The following PDZD8 variants were observed in gnomAD, a reference collection of about 807,000 sequenced individuals.
PDZD8 encodes the protein PDZ domain containing 8.
In PDZD8, 14 loss-of-function variants were observed where a neutral mutation model predicts 85.8. That is an observed-to-expected ratio of 0.16 (90% CI 0.11 to 0.26). The LOEUF is 0.26. Ranked by LOEUF, PDZD8 falls within the 10% of genes least tolerant of loss-of-function variation. PDZD8 has a pLI of 1.00. For missense variants in PDZD8, 1,197 were observed against 1,424.3 expected, an observed-to-expected ratio of 0.84 and a Z score of 2.57; for synonymous variants, 592 against 568.6, an observed-to-expected ratio of 1.04 and a Z score of -0.59.
At chr10:117,333,131 A>AAAC (rs1844456787) in intron 2 of PDZD8, among the ~76,000 whole-genome samples, 1 of 149,180 alleles carries the variant, frequency 6.7e-6, no homozygotes, top group African/African-American at 2.4e-5. Flanking sequence ...AAAAAAAAAA[A>AAAC]AAAAAAAAAA....
At chr10:117,315,096 A>G (rs139816416) in intron 3 of PDZD8, among the ~76,000 whole-genome samples, 2 of 152,326 alleles carry the variant, frequency 1.3e-5, no homozygotes, top group Non-Finnish European at 2.9e-5. Flanking sequence ...CAGAGGTTCC[A>G]GAGCCCATTT....
rs1844605902 is a variant in PDZD8, at chr10:117,341,194, A to T, written c.873-92T>A. On this transcript the variant is annotated intron_variant, in intron 1 of 4. Transcript: ENST00000334464. ...CTCACCTGTACAAAAACACAAAGCA[A>T]AATGAACACCTAATACTACACGTGC... The T allele has an allele frequency of 2.2e-6, 3 of 1,343,542 alleles. No individual in the cohort carries two copies. The East Asian group carries it at 7.3e-5, about 33-fold the overall frequency. 83.2% of individuals were successfully genotyped at this position (1,343,542 alleles called of 1,614,324 possible).
At chr10:117,289,617 ATG>A (rs752526387) in intron 4 of PDZD8, among the ~76,000 whole-genome samples, 9 of 152,222 alleles carry the variant, frequency 5.9e-5, no homozygotes, top group Non-Finnish European at 1.0e-4. Context: ...ATAGGAAGGC[ATG>A]TAAGTGACAC....
At chr10:117,317,411 T>G (rs1181698540) in intron 3 of PDZD8, among the ~76,000 whole-genome samples, 1 of 59,542 alleles carries the variant, frequency 1.7e-5, no homozygotes, top group Non-Finnish European at 5.3e-5. Context: ...ATTTAATGCC[T>G]GTAGACACTT....
At chr10:117,331,154 A>C (rs1381268351) in intron 2 of PDZD8, among the ~76,000 whole-genome samples, 1 of 152,142 alleles carries the variant, frequency 6.6e-6, no homozygotes, top group East Asian at 1.9e-4. Flanking sequence ...TATTTTTTGT[A>C]TTCATCGTAG....
chr10:117,373,843 A>T (rs2133900220), intron 1 of PDZD8, among the ~76,000 whole-genome samples: 1 of 152,296 alleles, frequency 6.6e-6, no homozygotes, highest in Middle Eastern at 3.4e-3. Context: ...CTCTGCCTTG[A>T]AAGGTGTCAA....
At chr10:117,293,803 G>A (rs1843707772) in intron 3 of PDZD8, among the ~76,000 whole-genome samples, 1 of 152,106 alleles carries the variant, frequency 6.6e-6, no homozygotes, top group Non-Finnish European at 1.5e-5. Context: ...TCACCAGGAT[G>A]TAGAAGGTCA....
chr10:117,286,227 C>G (rs1337512911), intron 4 of PDZD8, among the ~76,000 whole-genome samples: 5 of 152,112 alleles, frequency 3.3e-5, no homozygotes, highest in Non-Finnish European at 7.4e-5. Context: ...TTCTTTCCAC[C>G]TCTGTCTCCC....
intron 1 of PDZD8, among the ~76,000 whole-genome samples, chr10:117,369,437 G>A (rs1003578745): frequency 6.6e-6 from 1 of 152,104 alleles, no homozygotes; most frequent in Non-Finnish European, 1.5e-5. Context: ...GGGATTACAG[G>A]AGTGAGCCAC....
intron 3 of PDZD8, among the ~76,000 whole-genome samples, chr10:117,309,475 C>T (rs756030076): frequency 1.3e-5 from 2 of 151,920 alleles, no homozygotes; most frequent in Non-Finnish European, 2.9e-5. Flanking sequence ...AGTCACTATA[C>T]CTCAAACAGC....
chr10:117,356,776 C>T (rs1041857609), intron 1 of PDZD8, among the ~76,000 whole-genome samples: 7 of 152,066 alleles, frequency 4.6e-5, no homozygotes, highest in Admixed American at 2.6e-4. Flanking sequence ...TAAAAATAAC[C>T]CAGATAGCTT....
intron 2 of PDZD8, among the ~76,000 whole-genome samples, chr10:117,321,775 G>C (rs974421424): frequency 2.0e-5 from 3 of 151,934 alleles, no homozygotes; most frequent in African/African-American, 7.3e-5. Context: ...TAAATGATTG[G>C]TTTATTATGA....
At chr10:117,339,111 G>C (rs1055013099) in intron 2 of PDZD8, among the ~76,000 whole-genome samples, 1 of 127,698 alleles carries the variant, frequency 7.8e-6, no homozygotes, top group African/African-American at 3.0e-5. Flanking sequence ...ACAATCCTGA[G>C]TCACCCTGGA....
At chr10:117,345,564 G>A (rs937652254) in intron 1 of PDZD8, among the ~76,000 whole-genome samples, 1 of 152,120 alleles carries the variant, frequency 6.6e-6, no homozygotes, top group Non-Finnish European at 1.5e-5. Context: ...ATCAAGCTCT[G>A]GGTAAGGGGA....
At chr10:117,361,157 C>A (rs981783703) in intron 1 of PDZD8, among the ~76,000 whole-genome samples, 1 of 152,118 alleles carries the variant, frequency 6.6e-6, no homozygotes, top group Non-Finnish European at 1.5e-5. Flanking sequence ...ATTGACTTGA[C>A]TTGGTAGACT....
chr10:117,367,878 C>T (rs1845117455), intron 1 of PDZD8, among the ~76,000 whole-genome samples: 1 of 152,020 alleles, frequency 6.6e-6, no homozygotes. Context: ...CGAGATCATG[C>T]ACCTGCACTC....
chr10:117,361,197 A>C (rs1211723989), intron 1 of PDZD8, among the ~76,000 whole-genome samples: 1 of 151,880 alleles, frequency 6.6e-6, no homozygotes, highest in Non-Finnish European at 1.5e-5. Context: ...GGAACATCCA[A>C]ATCACACTGT....
chr10:117,294,336 A>AC (rs1384899906), intron 3 of PDZD8, among the ~76,000 whole-genome samples: 3 of 130,004 alleles, frequency 2.3e-5, no homozygotes, highest in Non-Finnish European at 3.4e-5. Flanking sequence ...ACAAAAAAAA[A>AC]AAAAAAAAAC....
At chr10:117,329,473 A>AT (rs1179750481) in intron 2 of PDZD8, among the ~76,000 whole-genome samples, 1 of 152,136 alleles carries the variant, frequency 6.6e-6, no homozygotes, top group African/African-American at 2.4e-5. Flanking sequence ...AGGTTGAAAA[A>AT]TTTTTTTGTG....
Sources: gnomAD v4.1 joint callset for allele counts (sites outside exome capture counted in the v4.1 genomes callset) on GRCh38, gnomAD v4.1.1 for gene constraint, MANE v1.5 for transcripts, NCBI Gene and HGNC (gene_info 2026-07-23, HGNC 2026-07-21) for gene names.